Variants in HS3ST5 observed in about 807,000 individuals in gnomAD.
The protein encoded by HS3ST5 is heparan sulfate-glucosamine 3-sulfotransferase 5.
A neutral mutation model predicts 25.4 loss-of-function variants in HS3ST5; 10 were observed. The observed-to-expected ratio is 0.39, with a 90% confidence interval of 0.24 to 0.67. The LOEUF (loss-of-function observed/expected upper bound fraction) is 0.67. Ranked by LOEUF, HS3ST5 falls within the 30% of genes least tolerant of loss-of-function variation. The pLI, the probability that HS3ST5 is intolerant of heterozygous loss-of-function variation, is 0.44. For synonymous variants in HS3ST5, 170 were observed against 162.4 expected, an observed-to-expected ratio of 1.05 and a Z score of -0.36; for missense variants, 324 against 420.7, an observed-to-expected ratio of 0.77 and a Z score of 2.01.
chr6:114,288,157 T>C (rs768201022), intron 1 of HS3ST5, among the ~76,000 whole-genome samples: 1 of 152,028 alleles, frequency 6.6e-6, no homozygotes, highest in Non-Finnish European at 1.5e-5. Context: ...GCAAAAATAT[T>C]TGTTAAGTAA....
chr6:114,078,067 A>T (rs1046681904), intron 3 of HS3ST5, among the ~76,000 whole-genome samples: 1 of 152,242 alleles, frequency 6.6e-6, no homozygotes, highest in Non-Finnish European at 1.5e-5. Flanking sequence ...TATCATATTC[A>T]AATTACCAAG....
intron 2 of HS3ST5, among the ~76,000 whole-genome samples, chr6:114,215,141 T>TA (rs1781692540): frequency 6.6e-6 from 1 of 151,610 alleles, no homozygotes. Context: ...CCGTCTCTAC[T>TA]AAAAAATACA....
At chr6:114,085,035 T>C (rs1263188744) in intron 3 of HS3ST5, among the ~76,000 whole-genome samples, 1 of 152,056 alleles carries the variant, frequency 6.6e-6, no homozygotes, top group Non-Finnish European at 1.5e-5. Flanking sequence ...TTTCACCATG[T>C]TGGCCAGGAT....
chr6:114,212,235 C>G (rs1781538871), intron 2 of HS3ST5, among the ~76,000 whole-genome samples: 1 of 152,214 alleles, frequency 6.6e-6, no homozygotes, highest in Non-Finnish European at 1.5e-5. Flanking sequence ...TCAACAAGGG[C>G]AGGCTGGCCT....
chr6:114,089,331 G>T (rs11153464), intron 3 of HS3ST5, among the ~76,000 whole-genome samples: 42,685 of 152,080 alleles, frequency 0.28, 6,709 homozygotes, highest in Admixed American at 0.4. Flanking sequence ...CTTTTTGAAT[G>T]ACCCTCTCCA....
At chr6:114,073,984 T>C (rs1367727224) in intron 3 of HS3ST5, among the ~76,000 whole-genome samples, 1 of 152,204 alleles carries the variant, frequency 6.6e-6, no homozygotes, top group African/African-American at 2.4e-5. Flanking sequence ...GATGAGTTCA[T>C]GTCCTTTGCA....
chr6:114,107,407 T>C (rs1776047686), intron 3 of HS3ST5, among the ~76,000 whole-genome samples: 1 of 152,138 alleles, frequency 6.6e-6, no homozygotes, highest in Admixed American at 6.5e-5. Flanking sequence ...ATAGAGATCA[T>C]CACCAAAAAA....
intron 3 of HS3ST5, among the ~76,000 whole-genome samples, chr6:114,071,519 A>G (rs1385779644): frequency 6.6e-6 from 1 of 152,240 alleles, no homozygotes; most frequent in Non-Finnish European, 1.5e-5. Flanking sequence ...CTCTAACTAC[A>G]TTAAATTCTG....
intron 1 of HS3ST5, among the ~76,000 whole-genome samples, chr6:114,231,966 G>A (rs1304906836): frequency 6.6e-6 from 1 of 152,144 alleles, no homozygotes; most frequent in African/African-American, 2.4e-5. Flanking sequence ...TTTGCTTGCA[G>A]TAGGAATACC....
At position 114,257,743 on chromosome 6, in the gene HS3ST5, C is replaced by CT. The variant is rs200967192; in HGVS notation, c.-338-28966dup. Among the ~76,000 whole-genome samples, 432 of 151,070 alleles carry CT rather than the reference C, an allele frequency of 2.9e-3. 2 individuals are homozygous for CT. The highest frequency in any genetic ancestry group is 0.02 in the South Asian group (95 of 4,748). On this transcript the variant is annotated intron_variant, in intron 1 of 4. Coordinates refer to ENST00000312719, the MANE Select transcript of HS3ST5 (RefSeq NM_153612.4). ...ATTAGTTCTTCTTCTTCTTGTTGTT[C>CT]TTTTTTTTTAATAAAAAGGGTCTCA...
At chr6:114,145,097 C>T (rs941664653) in intron 3 of HS3ST5, among the ~76,000 whole-genome samples, 3 of 152,180 alleles carry the variant, frequency 2.0e-5, no homozygotes, top group African/African-American at 7.2e-5. Flanking sequence ...ACCCTTACTT[C>T]TTGGCATTTG....
chr6:114,184,479 T>G (rs1257811682), intron 2 of HS3ST5, among the ~76,000 whole-genome samples: 2 of 152,058 alleles, frequency 1.3e-5, no homozygotes, highest in African/African-American at 4.8e-5. Context: ...CAATCTGAAC[T>G]AAAAGAGAAA....
chr6:114,113,703 C>T (rs1481270546), intron 3 of HS3ST5, among the ~76,000 whole-genome samples: 1 of 151,884 alleles, frequency 6.6e-6, no homozygotes, highest in Non-Finnish European at 1.5e-5. Flanking sequence ...ATCTGCCTGC[C>T]CCCACCAGAA....
intron 1 of HS3ST5, among the ~76,000 whole-genome samples, chr6:114,307,006 T>C (rs1775324481): frequency 6.6e-6 from 1 of 152,194 alleles, no homozygotes; most frequent in South Asian, 2.1e-4. Context: ...CTGTGCACAA[T>C]TAACGACAGT....
rs565587955 is a variant in HS3ST5 at position 114,172,517 on chromosome 6, C to A, written c.-144-4055G>T. On this transcript the variant is annotated intron_variant, in intron 2 of 4. Coordinates refer to ENST00000312719, the MANE Select transcript of HS3ST5 (RefSeq NM_153612.4). ...CAAAGCAATTATAGCAGAGAAGACC[C>A]GTTTGAGGAGCTAGAATAGGTAAAA... 3.3e-5 allele frequency among the ~76,000 whole-genome samples: 5 copies of A among 152,272 alleles called. No individual in the cohort carries two copies. In the East Asian group the frequency reaches 9.7e-4, roughly 29 times the overall value.
At position 114,161,832 on chromosome 6, in the gene HS3ST5, T is replaced by C. The variant is rs544022742; in HGVS notation, c.-33+6519A>G. Among the ~76,000 whole-genome samples, 323 of 151,644 alleles carry C rather than the reference T, an allele frequency of 2.1e-3. 1 individual carries two copies. Among genetic ancestry groups the C allele is most frequent in the African/African-American group, 7.4e-3 (307 of 41,394 alleles). ...AAGTAACGTAATTATTATACAAATA[T>C]ATTTTGAAGACAATGGAATTATTCC... On this transcript the variant is annotated intron_variant, in intron 3 of 4. Transcript: ENST00000312719.
intron 1 of HS3ST5, among the ~76,000 whole-genome samples, chr6:114,301,943 G>C (rs1775092974): frequency 6.6e-6 from 1 of 152,178 alleles, no homozygotes; most frequent in Non-Finnish European, 1.5e-5. Flanking sequence ...TTGATTTTCA[G>C]TGTTAAAACT....
At chr6:114,224,106 T>A (rs1373264685) in intron 2 of HS3ST5, among the ~76,000 whole-genome samples, 1 of 151,604 alleles carries the variant, frequency 6.6e-6, no homozygotes, top group Non-Finnish European at 1.5e-5. Flanking sequence ...CTAAGATTTT[T>A]AATTCCTAAT....
chr6:114,294,604 C>A (rs571743395), intron 1 of HS3ST5, among the ~76,000 whole-genome samples: 11 of 152,138 alleles, frequency 7.2e-5, no homozygotes, highest in Admixed American at 6.5e-5. Context: ...CGCCACTGCG[C>A]CCAGCTAATT....
Sources: allele counts gnomAD v4.1 joint callset (sites outside exome capture counted in the v4.1 genomes callset), GRCh38; gene constraint gnomAD v4.1.1; transcripts MANE v1.5; gene names NCBI Gene and HGNC (gene_info 2026-07-23, HGNC 2026-07-21).